Variants in NRCAM observed in about 807,000 individuals in gnomAD.
NRCAM encodes the protein neuronal cell adhesion molecule.
A neutral mutation model predicts 156.5 loss-of-function variants in NRCAM; 83 were observed. That is an observed-to-expected ratio of 0.53 (90% CI 0.44 to 0.64). NRCAM has a LOEUF of 0.64. NRCAM is among the 30% of genes least tolerant of loss of function. The probability of loss-of-function intolerance (pLI) is 0.00; values close to 1 mark genes in which losing one functional copy is unlikely to be tolerated. For missense variants in NRCAM, 1,417 were observed against 1,597.3 expected, an observed-to-expected ratio of 0.89 and a Z score of 1.92; for synonymous variants, 538 against 563.9, an observed-to-expected ratio of 0.95 and a Z score of 0.65.
chr7:108,230,945 A>G, intron 8 of NRCAM, 86 bp downstream of exon 8: 1 of 1,054,716 alleles, frequency 9.5e-7, no homozygotes, highest in Non-Finnish European at 1.4e-6. Context: ...AAAACATTTT[A>G]TGAATCATAA....
intron 3 of NRCAM, among the ~76,000 whole-genome samples, chr7:108,255,116 A>G (rs531397747): frequency 7.7e-4 from 117 of 152,276 alleles, no homozygotes; most frequent in African/African-American, 2.7e-3. Flanking sequence ...AACATGCGGC[A>G]TGGATGAAAC....
chr7:108,397,595 A>G (rs958247405), intron 2 of NRCAM, among the ~76,000 whole-genome samples: 1 of 152,210 alleles, frequency 6.6e-6, no homozygotes, highest in African/African-American at 2.4e-5. Context: ...TGAAGAATGC[A>G]AGAAAGACCC....
Position 108,310,412 on chromosome 7 carries a change from T to C in NRCAM, c.-107+2253A>G, listed in dbSNP as rs1356943977. 5.9e-5 allele frequency among the ~76,000 whole-genome samples: 9 copies of C among 152,160 alleles called. No homozygotes were observed. In the South Asian group the frequency reaches 1.9e-3, roughly 31 times the overall value. On this transcript the variant is annotated intron_variant, in intron 3 of 32. Coordinates refer to ENST00000379028, the MANE Select transcript of NRCAM (RefSeq NM_001037132.4). ...AGGGAGAGAATGTACACATTAGGGT[T>C]AATGGCAAACGTGAGCAGTTTTTAT...
rs375433547 is a variant in NRCAM, at chr7:108,168,412, C to T, written c.3188-10G>A. 4.4e-5 allele frequency: 70 copies of T among 1,585,318 alleles called. No individual in the cohort carries two copies. The African/African-American group carries it at 7.4e-4, about 17-fold the overall frequency. ...GGATTTACTGCTTGAACTAAACATA[C>T]AATAGAAAAATAAAACAAACAATCA... On this transcript the variant is annotated splice_polypyrimidine_tract_variant and intron_variant, in intron 28 of 32. Transcript: ENST00000379028.
chr7:108,357,615 G>T (rs2099514649), intron 2 of NRCAM, among the ~76,000 whole-genome samples: 1 of 152,006 alleles, frequency 6.6e-6, no homozygotes, highest in Admixed American at 6.6e-5. Context: ...ACAGGTGTGA[G>T]CCACCGGGCC....
At chr7:108,198,303 A>G (rs1275823982) in intron 13 of NRCAM, among the ~76,000 whole-genome samples, 1 of 152,120 alleles carries the variant, frequency 6.6e-6, no homozygotes, top group East Asian at 1.9e-4. Context: ...ATATTCATTT[A>G]GTCTTAAGTC....
chr7:108,240,535 T>G (rs1257879820), intron 3 of NRCAM, among the ~76,000 whole-genome samples: 1 of 152,218 alleles, frequency 6.6e-6, no homozygotes, highest in Non-Finnish European at 1.5e-5. Flanking sequence ...AGGGGTAGCC[T>G]AATGGCTTCT....
chr7:108,249,326 C>T (rs1024763462), intron 3 of NRCAM, among the ~76,000 whole-genome samples: 6 of 152,144 alleles, frequency 3.9e-5, no homozygotes, highest in Non-Finnish European at 2.9e-5. Context: ...TATCACAAAC[C>T]AAACAGCTGA....
intron 19 of NRCAM, among the ~76,000 whole-genome samples, chr7:108,190,525 G>C (rs2070633541): frequency 2.0e-5 from 3 of 152,110 alleles, no homozygotes. Context: ...ACAAAGCACA[G>C]GTTTTATATT....
At position 108,322,321 on chromosome 7, in the gene NRCAM, T is replaced by C. The variant is rs370026157; in HGVS notation, c.-173-9590A>G. 1.5e-4 allele frequency among the ~76,000 whole-genome samples: 23 copies of C among 152,280 alleles called. No homozygotes were observed. The East Asian group carries it at 3.5e-3, about 23-fold the overall frequency. On this transcript the variant is annotated intron_variant, in intron 2 of 32. Coordinates refer to ENST00000379028, the MANE Select transcript of NRCAM (RefSeq NM_001037132.4). ...CAGGCTCATTGAACTGAATTTGAAG[T>C]CTTTTCATAGTACTGTTCTGGAAAG...
chr7:108,349,826 A>G (rs1003245836), intron 2 of NRCAM, among the ~76,000 whole-genome samples: 1 of 152,162 alleles, frequency 6.6e-6, no homozygotes, highest in African/African-American at 2.4e-5. Context: ...CCGAGGTCAT[A>G]GCGATCATTT....
Position 108,226,308 on chromosome 7 carries a change from G to A in NRCAM, c.621C>T (p.Val207=). 1 of 1,610,086 alleles carries A rather than the reference G, an allele frequency of 6.2e-7. No homozygotes were observed. The highest frequency in any genetic ancestry group is 8.5e-7 in the Non-Finnish European group (1 of 1,176,700). The part of the protein sequence containing the change: ...GLNGDLYFSN[V]LPEDTREDYI... ...AGTCTTCGCGGGTGTCCTCTGGGAG[G>A]ACATTGGAAAAATAAAGGTCCCCAT... Residue 207 remains valine, a synonymous_variant, in exon 9 of 33, where the codon GTC becomes GTT. Coordinates refer to ENST00000379028, the MANE Select transcript of NRCAM (RefSeq NM_001037132.4).
intron 28 of NRCAM, among the ~76,000 whole-genome samples, chr7:108,174,997 A>G (rs1448471448): frequency 6.6e-6 from 1 of 152,238 alleles, no homozygotes; most frequent in Non-Finnish European, 1.5e-5. Context: ...AACCCCAAAT[A>G]ATGTGGCATG....
chr7:108,425,908 C>T (rs1816689084), intron 1 of NRCAM, among the ~76,000 whole-genome samples: 2 of 152,236 alleles, frequency 1.3e-5, no homozygotes, highest in South Asian at 4.1e-4. Context: ...GAGGGCTCTG[C>T]TTTCTCTCAT....
At chr7:108,285,976 G>A (rs2098083438) in intron 3 of NRCAM, among the ~76,000 whole-genome samples, 1 of 152,202 alleles carries the variant, frequency 6.6e-6, no homozygotes, top group Admixed American at 6.6e-5. Context: ...TCAGCAAACA[G>A]TTTCTGGAAA....
chr7:108,269,315 G>C (rs944693459), intron 3 of NRCAM, among the ~76,000 whole-genome samples: 10 of 152,120 alleles, frequency 6.6e-5, no homozygotes, highest in African/African-American at 2.4e-4. Context: ...AGTTGCTTTA[G>C]ACTATGTTTT....
chr7:108,383,598 T>C (rs1393226477), intron 2 of NRCAM, among the ~76,000 whole-genome samples: 7 of 152,348 alleles, frequency 4.6e-5, no homozygotes, highest in South Asian at 4.1e-4. Flanking sequence ...TCATGGCGAA[T>C]AGATCTAACT....
intron 23 of NRCAM, 37 bp downstream of exon 23, chr7:108,182,658 G>A (rs1198080327): frequency 1.3e-5 from 20 of 1,592,916 alleles, no homozygotes; most frequent in Admixed American, 1.7e-5. Context: ...TGGTAAGTCT[G>A]TTTTGCTGGG....
At chr7:108,440,039 T>C (rs543843676) in intron 1 of NRCAM, among the ~76,000 whole-genome samples, 16 of 152,222 alleles carry the variant, frequency 1.1e-4, no homozygotes, top group African/African-American at 2.6e-4. Flanking sequence ...AATGAAAACA[T>C]AGGGACACAT....
Sources: gnomAD v4.1 joint callset for allele counts (sites outside exome capture counted in the v4.1 genomes callset) on GRCh38, gnomAD v4.1.1 for gene constraint, MANE v1.5 for transcripts, NCBI Gene and HGNC (gene_info 2026-07-23, HGNC 2026-07-21) for gene names.